NSUN7: variants seen among roughly 807,000 people sequenced by gnomAD.
NSUN7 encodes the protein NOP2/Sun RNA methyltransferase family member 7.
Under a neutral mutation model 58.5 loss-of-function variants are expected in NSUN7, and 39 were observed. The observed-to-expected ratio is 0.67, with a 90% CI of 0.52 to 0.87. NSUN7 has a LOEUF of 0.87. Among genes scored for constraint, NSUN7 ranks in the 40% least tolerant of loss-of-function variants. The pLI, the probability that NSUN7 is intolerant of heterozygous loss-of-function variation, is 0.00. For missense variants in NSUN7, 765 were observed against 844.1 expected, an observed-to-expected ratio of 0.91 and a Z score of 1.16; for synonymous variants, 278 against 303.7, an observed-to-expected ratio of 0.92 and a Z score of 0.88.
intron 7 of NSUN7, among the ~76,000 whole-genome samples, chr4:40,778,947 A>T (rs1742396117): frequency 6.6e-6 from 1 of 152,230 alleles, no homozygotes. Context: ...ATAAAATAAA[A>T]TAAAGATATT....
intron 8 of NSUN7, among the ~76,000 whole-genome samples, chr4:40,792,578 C>G (rs1432285957): frequency 6.6e-6 from 1 of 152,014 alleles, no homozygotes; most frequent in Admixed American, 6.6e-5. Flanking sequence ...GGTGAAACCC[C>G]GTCTCTACTA....
chr4:40,764,741 G>T (rs1335166650), intron 4 of NSUN7, among the ~76,000 whole-genome samples: 2 of 151,970 alleles, frequency 1.3e-5, no homozygotes, highest in African/African-American at 4.8e-5. Context: ...TCCAGCACCT[G>T]TTGTTTCCTG....
At chr4:40,766,941 T>A (rs1443737986) in intron 4 of NSUN7, among the ~76,000 whole-genome samples, 1 of 150,794 alleles carries the variant, frequency 6.6e-6, no homozygotes, top group African/African-American at 2.4e-5. Flanking sequence ...CCCTTTATCA[T>A]TTTTTATTGC....
In NSUN7 at chr4:40,789,783, CAG is replaced by C. The variant is rs780083458; in HGVS notation, c.1037-815_1037-814del. ...AAAGAAAAAATAATTTTAAAAGACA[CAG>C]AGAATAGGAAGAGGGAAAAATTGGT... On this transcript the variant is annotated intron_variant, in intron 7 of 11. Transcript: ENST00000381782. 5.9e-5 allele frequency among the ~76,000 whole-genome samples: 9 copies of C among 152,004 alleles called. No individual in the cohort carries two copies. The East Asian group carries it at 1.4e-3, about 23-fold the overall frequency.
rs375750265 is a variant in NSUN7 at position 40,754,146 on chromosome 4, C to CTT, written c.298+3169_298+3170dup. Among the ~76,000 whole-genome samples, 239 of 141,150 alleles carry CTT rather than the reference C, an allele frequency of 1.7e-3. 1 individual carries two copies. Among genetic ancestry groups the CTT allele is most frequent in the Middle Eastern group, 3.6e-3 (1 of 278 alleles). 92.6% of individuals were successfully genotyped at this position (141,150 alleles called of 152,430 possible). ...AGATAATTAGGAGCCTGCTATTTTC[C>CTT]TTTTTTTTTTTTTTTGAGACAGAGT... On this transcript the variant is annotated intron_variant, in intron 2 of 11. Transcript: ENST00000381782.
intron 9 of NSUN7, among the ~76,000 whole-genome samples, chr4:40,795,022 A>G (rs1467194227): frequency 6.6e-6 from 1 of 152,194 alleles, no homozygotes; most frequent in East Asian, 1.9e-4. Context: ...GCCTTTCCAC[A>G]TATGCACACA....
intron 4 of NSUN7, among the ~76,000 whole-genome samples, chr4:40,764,058 A>G (rs188350988): frequency 6.6e-6 from 1 of 151,254 alleles, no homozygotes; most frequent in East Asian, 1.9e-4. Flanking sequence ...GTTTTTTTTA[A>G]TTTTTTAATT....
rs550871239 is a variant in NSUN7, at chr4:40,803,472, C to T, written c.1401-3589C>T. 7.4e-3 allele frequency among the ~76,000 whole-genome samples: 1,131 copies of T among 152,190 alleles called. 7 individuals carry two copies. Among genetic ancestry groups the T allele is most frequent in the Non-Finnish European group, 9.1e-3 (618 of 67,998 alleles). ...TGTTGTTTCCTGACTTTTTAATGAT[C>T]GCCATTCTAACTGGTGTGAGATGGT... is the stretch of plus-strand genomic sequence containing the variant. On this transcript the variant is annotated intron_variant, in intron 10 of 11. Transcript: ENST00000381782.
intron 11 of NSUN7, among the ~76,000 whole-genome samples, chr4:40,807,777 C>T (rs1743873025): frequency 6.6e-6 from 1 of 152,132 alleles, no homozygotes; most frequent in Admixed American, 6.5e-5. Context: ...CATGGGGGCT[C>T]AAGCCTGTAA....
Position 40,809,147 on chromosome 4 carries a change from A to AAGTGAGAAACAATAATGT in NSUN7, c.*209_*210insGTGAGAAACAATAATGTA. On this transcript the variant is annotated 3_prime_UTR_variant, in exon 12 of 12. Transcript: ENST00000381782. Reference sequence around the variant, plus strand: ...AAAGCAGAATTCAGAGACTTCAGCCAATCACTGCTGCTCTGAGAGGATCCA... The same window carrying AAGTGAGAAACAATAATGT: ...AAAGCAGAATTCAGAGACTTCAGCCAAGTGAGAAACAATAATGTATCACTGCTGCTCTGAGAGGATCCA... The AAGTGAGAAACAATAATGT allele has an allele frequency of 1.8e-6, 1 of 543,050 alleles. No individual in the cohort carries two copies. The highest frequency in any genetic ancestry group is 3.2e-6 in the Non-Finnish European group (1 of 313,520). The allele number at this position is 543,050 out of a possible 1,614,324, so 33.6% of individuals were successfully genotyped here. A position where few individuals can be genotyped will look rare whatever the true frequency, so the allele number is the denominator to read the frequency against.
chr4:40,757,647 T>C (rs1158996030), intron 2 of NSUN7, among the ~76,000 whole-genome samples: 2 of 144,298 alleles, frequency 1.4e-5, no homozygotes, highest in African/African-American at 2.6e-5. Flanking sequence ...TGTATATATA[T>C]ACATTGTGTA....
In NSUN7 at chr4:40,760,637, C is replaced by T. The variant is rs1050975928; in HGVS notation, c.357+145C>T. On this transcript the variant is annotated intron_variant, in intron 3 of 11. Transcript: ENST00000381782. ...CAGCACTTTGGGAGGCCAAGGCGGG[C>T]GGATCATCTGAGGTCGGGAGTTCGA... 5.2e-5 allele frequency: 30 copies of T among 577,328 alleles called. 1 individual carries two copies. Among genetic ancestry groups the T allele is most frequent in the Admixed American group, 1.1e-4 (3 of 26,734 alleles). 35.8% of individuals were successfully genotyped at this position (577,328 alleles called of 1,614,324 possible).
At chr4:40,758,183 G>T (rs977345311) in intron 2 of NSUN7, among the ~76,000 whole-genome samples, 1 of 152,118 alleles carries the variant, frequency 6.6e-6, no homozygotes, top group African/African-American at 2.4e-5. Flanking sequence ...GCCTCCCAAA[G>T]TGCTAGGATT....
chr4:40,798,530 T>C (rs893603704), intron 9 of NSUN7, among the ~76,000 whole-genome samples: 1 of 152,218 alleles, frequency 6.6e-6, no homozygotes. Flanking sequence ...TTATTTGTGT[T>C]TATAACTAAG....
intron 4 of NSUN7, among the ~76,000 whole-genome samples, chr4:40,770,447 T>C (rs1456836592): frequency 6.6e-6 from 1 of 152,168 alleles, no homozygotes; most frequent in East Asian, 1.9e-4. Flanking sequence ...TATAACACTA[T>C]GGCAAGTATT....
chr4:40,758,938 C>T (rs1256723452), intron 2 of NSUN7, among the ~76,000 whole-genome samples: 1 of 151,744 alleles, frequency 6.6e-6, no homozygotes, highest in Non-Finnish European at 1.5e-5. Context: ...CAATTTATAC[C>T]TTGGTTATAG....
At chr4:40,801,999 A>G (rs1216482386) in intron 10 of NSUN7, among the ~76,000 whole-genome samples, 1 of 151,858 alleles carries the variant, frequency 6.6e-6, no homozygotes, top group African/African-American at 2.4e-5. Flanking sequence ...TGGATTCTAC[A>G]TTTTGTGTTA....
Position 40,761,237 on chromosome 4 carries a change from C to T in NSUN7, c.424C>T (p.Arg142Cys), listed in dbSNP as rs559507916. ...TTTCCAAGATAGAAAATTTCAAACT[C>T]GTGTCCTTTCTGATAATGAAGAGCC... is the stretch of plus-strand genomic sequence containing the variant. ...YDFQDRKFQTRVLSDNEEPIS... is the reference protein window; with the variant it reads ...YDFQDRKFQTCVLSDNEEPIS... The change falls in exon 4 of 12, where the codon CGT (arginine) becomes TGT (cysteine). Residue 142 changes from arginine to cysteine, a missense_variant. Coordinates refer to ENST00000381782, the MANE Select transcript of NSUN7 (RefSeq NM_024677.6). The T allele has an allele frequency of 5.9e-5, 93 of 1,588,040 alleles. No homozygotes were observed. Among genetic ancestry groups the T allele is most frequent in the Non-Finnish European group, 7.6e-5 (89 of 1,171,384 alleles).
intron 7 of NSUN7, among the ~76,000 whole-genome samples, chr4:40,790,243 A>G (rs929481361): frequency 5.3e-5 from 8 of 152,136 alleles, no homozygotes; most frequent in Admixed American, 3.3e-4. Context: ...TGAAGAAGGA[A>G]ATGGAGGCTC....
Sources: gnomAD v4.1 joint callset for allele counts (sites outside exome capture counted in the v4.1 genomes callset) on GRCh38, gnomAD v4.1.1 for gene constraint, MANE v1.5 for transcripts, NCBI Gene and HGNC (gene_info 2026-07-23, HGNC 2026-07-21) for gene names.